The following IRAK1BP1 variants were observed in gnomAD, a reference collection of about 807,000 sequenced individuals.
IRAK1BP1 encodes the protein interleukin-1 receptor-associated kinase 1-binding protein 1.
In IRAK1BP1, 24 loss-of-function variants were observed where a neutral mutation model predicts 28.0. The ratio of observed to expected loss-of-function variants is 0.86; its 90% CI spans 0.62 to 1.20. IRAK1BP1 has a LOEUF of 1.20. Ranked by LOEUF, IRAK1BP1 falls within the 50% of genes most tolerant of loss-of-function variation. The pLI, the probability that IRAK1BP1 is intolerant of heterozygous loss-of-function variation, is 0.00. For missense variants in IRAK1BP1, 336 were observed against 316.7 expected (o/e 1.06, Z -0.46); for synonymous variants, 131 against 116.3 (o/e 1.13, Z -0.81).
At chr6:78,885,346 G>A (rs747683968) in intron 1 of IRAK1BP1, 32 bp from the exon 2 acceptor site, 8 of 1,220,252 alleles carry the variant, frequency 6.6e-6, no homozygotes, top group Non-Finnish European at 9.6e-6. Flanking sequence ...CAAATATTTA[G>A]TAATCATACT....
chr6:78,876,225 C>G (rs976043495), intron 1 of IRAK1BP1, among the ~76,000 whole-genome samples: 1 of 152,186 alleles, frequency 6.6e-6, no homozygotes, highest in Non-Finnish European at 1.5e-5. Flanking sequence ...CTCTCTCTCT[C>G]TCTCCTGCCA....
the IRAK1BP1 span, among the ~76,000 whole-genome samples, chr6:78,976,736 A>C: frequency 9.5e-5 from 14 of 146,970 alleles, no homozygotes; most frequent in Non-Finnish European, 1.2e-4. Context: ...GACACTTCTC[A>C]AAAGAAGACA....
intron 4 of IRAK1BP1, chr6:78,936,332 A>G (rs1050009836): frequency 2.0e-5 from 3 of 151,958 alleles, no homozygotes; most frequent in African/African-American, 7.2e-5. Flanking sequence ...ATCCTGTGAC[A>G]GGATTTAAGT....
At chr6:78,961,003 A>C in the IRAK1BP1 span, among the ~76,000 whole-genome samples, 1 of 152,166 alleles carries the variant, frequency 6.6e-6, no homozygotes, top group African/African-American at 2.4e-5. Flanking sequence ...AGCAAAGGTC[A>C]TATGATAAAA....
At position 78,873,571 on chromosome 6, in the gene IRAK1BP1, G is replaced by A. The variant is rs546658376; in HGVS notation, c.315+5680G>A. On this transcript the variant is annotated intron_variant, in intron 1 of 3. Transcript: ENST00000369940. ...ATTGTTCACTGCAGCCTAAAACTCC[G>A]GGGCTCAAGCTATCCTCCCACCTCA... 1.6e-4 allele frequency among the ~76,000 whole-genome samples: 24 copies of A among 151,874 alleles called. 1 individual carries two copies. The South Asian group carries it at 2.9e-3, about 18-fold the overall frequency.
intron 2 of IRAK1BP1, among the ~76,000 whole-genome samples, chr6:78,895,098 G>A (rs1161270481): frequency 4.0e-5 from 6 of 148,918 alleles, no homozygotes; most frequent in Middle Eastern, 6.5e-3. Context: ...GGGCAACTGA[G>A]CAAGACTCCA....
the IRAK1BP1 span, chr6:78,961,724 T>C: frequency 6.2e-7 from 1 of 1,612,632 alleles, no homozygotes; most frequent in Non-Finnish European, 8.5e-7. Context: ...TGTTTAATTG[T>C]ACTTAGATCC....
intron 4 of IRAK1BP1, chr6:78,945,152 T>C (rs1344448306): frequency 3.2e-6 from 2 of 619,452 alleles, no homozygotes; most frequent in Non-Finnish European, 2.9e-6. Context: ...GGCACAATAA[T>C]AGCTCATTGC....
intron 4 of IRAK1BP1, among the ~76,000 whole-genome samples, chr6:78,933,668 CTT>C (rs35416532): frequency 2.0e-4 from 27 of 136,602 alleles, no homozygotes; most frequent in Admixed American, 2.9e-4. Flanking sequence ...TAGCTTCCAA[CTT>C]TTTTTTTTTT....
At position 78,902,969 on chromosome 6, in the gene IRAK1BP1, T is replaced by A; in HGVS notation, c.*4635T>A. The A allele has an allele frequency of 8.3e-7, 1 of 1,205,414 alleles. No individual in the cohort carries two copies. The highest frequency in any genetic ancestry group is 1.2e-6 in the Non-Finnish European group (1 of 849,164). The allele number at this position is 1,205,414 out of a possible 1,614,324, so 74.7% of individuals were successfully genotyped here. ...AATAAAACTCTTATAAACCTGTTTATCAGAAGGATATTTCTGTTTCAGCAA... is the reference window on the plus strand; with the variant it reads ...AATAAAACTCTTATAAACCTGTTTAACAGAAGGATATTTCTGTTTCAGCAA... On this transcript the variant is annotated 3_prime_UTR_variant, in exon 4 of 4. Transcript: ENST00000369940.
Position 78,903,036 on chromosome 6 carries a change from C to G in IRAK1BP1, c.*4702C>G, listed in dbSNP as rs897215588. ...TCAACATCCCAACCAACAATTACTC[C>G]CAGATAGCCATGTCACCTGTGAATT... On this transcript the variant is annotated 3_prime_UTR_variant, in exon 4 of 4. Transcript: ENST00000369940. The G allele has an allele frequency of 9.8e-6, 15 of 1,533,408 alleles. No homozygotes were observed. The African/African-American group carries it at 1.4e-4, about 14-fold the overall frequency. 95.0% of individuals were successfully genotyped at this position (1,533,408 alleles called of 1,614,324 possible). A position where few individuals can be genotyped will look rare whatever the true frequency, so the allele number is the denominator to read the frequency against.
At chr6:78,874,242 T>C (rs899342343) in intron 1 of IRAK1BP1, among the ~76,000 whole-genome samples, 5 of 152,212 alleles carry the variant, frequency 3.3e-5, no homozygotes, top group African/African-American at 7.2e-5. Context: ...AGCTTAGATA[T>C]GGATTTCTGT....
At chr6:78,933,344 G>A (rs761634905) in intron 4 of IRAK1BP1, among the ~76,000 whole-genome samples, 5 of 152,090 alleles carry the variant, frequency 3.3e-5, no homozygotes, top group South Asian at 2.1e-4. Context: ...CAGGCCGGAC[G>A]CGATGGCTCA....
chr6:78,963,041 T>C, the IRAK1BP1 span: 1 of 1,479,650 alleles, frequency 6.8e-7, no homozygotes, highest in South Asian at 1.4e-5. Flanking sequence ...AACAGTATTT[T>C]TCCATTACTT....
chr6:78,894,975 G>A (rs1382228475), intron 2 of IRAK1BP1, among the ~76,000 whole-genome samples: 1 of 152,006 alleles, frequency 6.6e-6, no homozygotes, highest in Non-Finnish European at 1.5e-5. Context: ...GGGCATGGTG[G>A]TGCACACCTG....
intron 4 of IRAK1BP1, among the ~76,000 whole-genome samples, chr6:78,916,743 G>A (rs1472586249): frequency 6.6e-6 from 1 of 151,928 alleles, no homozygotes; most frequent in Non-Finnish European, 1.5e-5. Context: ...TTAGAGACAA[G>A]CCCAGGCAGA....
In IRAK1BP1 at chr6:78,885,406, T is replaced by C. The variant is rs1771384040; in HGVS notation, c.344T>C (p.Phe115Ser). 1.3e-6 allele frequency: 2 copies of C among 1,584,386 alleles called. No homozygotes were observed. Among genetic ancestry groups the C allele is most frequent in the Non-Finnish European group, 1.7e-6 (2 of 1,158,826 alleles). The change falls in exon 2 of 4, where the codon TTT becomes TCT. Residue 115 changes from phenylalanine (F) to serine (S), a missense_variant. Physicochemically the swap from Phe to Ser is radical, Grantham distance 155 (BLOSUM62 -2). Transcript: ENST00000369940. The part of the protein sequence containing the change: ...QAENITVTKD[F>S]RRVENAYHME... ...GAAAATATAACTGTGACAAAGGATT[T>C]TAGGAGAGTGGAAAATGCTTATCAC... is the stretch of plus-strand genomic sequence containing the variant.
At chr6:78,921,209 T>A (rs1772715393) in intron 4 of IRAK1BP1, among the ~76,000 whole-genome samples, 1 of 151,974 alleles carries the variant, frequency 6.6e-6, no homozygotes, top group South Asian at 2.1e-4. Context: ...AACTAGAAAA[T>A]CGGGTAACTC....
chr6:78,931,084 A>C (rs1773033928), intron 4 of IRAK1BP1, among the ~76,000 whole-genome samples: 1 of 152,208 alleles, frequency 6.6e-6, no homozygotes, highest in Non-Finnish European at 1.5e-5. Flanking sequence ...ATTGGATCTT[A>C]AATTTAGAAA....
Sources: allele counts gnomAD v4.1 joint callset (sites outside exome capture counted in the v4.1 genomes callset), GRCh38; gene constraint gnomAD v4.1.1; transcripts MANE v1.5; gene names NCBI Gene and HGNC (gene_info 2026-07-23, HGNC 2026-07-21).